DNAJC6: variants seen among roughly 807,000 people sequenced by gnomAD.
DNAJC6 encodes DnaJ heat shock protein family (Hsp40) member C6.
Under a neutral mutation model 110.0 loss-of-function variants are expected in DNAJC6, and 34 were observed. The ratio of observed to expected loss-of-function variants is 0.31; its 90% CI spans 0.24 to 0.41. DNAJC6 has a LOEUF of 0.41. Among genes scored for constraint, DNAJC6 ranks in the 10% least tolerant of loss-of-function variants. DNAJC6 has a pLI of 1.00. For synonymous variants in DNAJC6, 406 were observed against 437.2 expected, an observed-to-expected ratio of 0.93 and a Z score of 0.89; for missense variants, 1,031 against 1,207.8, an observed-to-expected ratio of 0.85 and a Z score of 2.17.
At chr1:65,291,480 C>T (rs1644874438) in intron 1 of DNAJC6, among the ~76,000 whole-genome samples, 2 of 152,002 alleles carry the variant, frequency 1.3e-5, no homozygotes, top group Non-Finnish European at 2.9e-5. Context: ...ACATTTTCTC[C>T]AAAGCTAAAG....
chr1:65,325,604 A>G (rs1199181779), intron 1 of DNAJC6, among the ~76,000 whole-genome samples: 2 of 152,158 alleles, frequency 1.3e-5, no homozygotes, highest in South Asian at 2.1e-4. Context: ...AGCCTTATGG[A>G]TTTTCTAGTT....
At chr1:65,378,605 G>A (rs1179548956) in intron 4 of DNAJC6, among the ~76,000 whole-genome samples, 1 of 152,192 alleles carries the variant, frequency 6.6e-6, no homozygotes, top group African/African-American at 2.4e-5. Context: ...TAGTAAGTAT[G>A]TAATCAACTG....
intron 4 of DNAJC6, among the ~76,000 whole-genome samples, chr1:65,372,461 G>T (rs962828698): frequency 6.6e-6 from 1 of 152,098 alleles, no homozygotes. Context: ...TTACAAAAAT[G>T]AGTAAGTTAT....
At chr1:65,285,258 A>G (rs1182293467) in intron 1 of DNAJC6, among the ~76,000 whole-genome samples, 1 of 152,182 alleles carries the variant, frequency 6.6e-6, no homozygotes, top group Non-Finnish European at 1.5e-5. Context: ...AGGTTTTCAC[A>G]AATCTCCTAT....
chr1:65,364,504 A>AT, intron 1 of DNAJC6, 131 bp from the exon 2 acceptor site: 1 of 1,116,290 alleles, frequency 9.0e-7, no homozygotes, highest in Non-Finnish European at 1.2e-6. Flanking sequence ...GTGGGACACA[A>AT]TTTCCAGGAA....
At chr1:65,375,216 C>T (rs528154735) in intron 4 of DNAJC6, among the ~76,000 whole-genome samples, 141 of 152,214 alleles carry the variant, frequency 9.3e-4, no homozygotes, top group Middle Eastern at 3.4e-3. Context: ...CTGCCTGTCT[C>T]AGCCTCCCAA....
At chr1:65,307,010 CTCTCTCTCTATATA>C (rs1405736083), upstream of DNAJC6, among the ~76,000 whole-genome samples, 304 of 84,732 alleles carry the variant, frequency 3.6e-3, no homozygotes, top group Non-Finnish European at 4.1e-3. Context: ...CTCTCTCTCT[CTCTCTCTCTATATA>C]TATATATATA....
At chr1:65,380,780 A>C (rs1273457180) in intron 5 of DNAJC6, among the ~76,000 whole-genome samples, 1 of 152,172 alleles carries the variant, frequency 6.6e-6, no homozygotes, top group Non-Finnish European at 1.5e-5. Context: ...AGAGGCAAAC[A>C]AAAGATTATG....
At chr1:65,317,363 G>T (rs1203152727) in intron 1 of DNAJC6, among the ~76,000 whole-genome samples, 2 of 152,214 alleles carry the variant, frequency 1.3e-5, no homozygotes, top group Non-Finnish European at 2.9e-5. Context: ...CACGGTCCAA[G>T]AAATTAGGAA....
intron 4 of DNAJC6, among the ~76,000 whole-genome samples, chr1:65,375,245 G>A (rs1645749867): frequency 2.6e-5 from 4 of 152,196 alleles, no homozygotes; most frequent in South Asian, 4.1e-4. Flanking sequence ...GATTATAGGC[G>A]TGAGCTGCCG....
intron 1 of DNAJC6, among the ~76,000 whole-genome samples, chr1:65,335,768 C>T (rs912026756): frequency 2.6e-5 from 4 of 151,986 alleles, no homozygotes; most frequent in Admixed American, 6.6e-5. Flanking sequence ...GGCCATTGCG[C>T]GAGCTTTGAT....
rs199937139 is a variant in DNAJC6, at chr1:65,392,779, A to T, written c.1817A>T (p.His606Leu). The stretch of plus-strand genomic sequence containing the variant: ...CAGTCAGGAGTGGAAGATGTGTTTC[A>T]TCCTAGTGGACCTGCGTCTACCCAG... The part of the protein sequence containing the change: ...AGQSGVEDVF[H>L]PSGPASTQST... The change falls in exon 12 of 19, where the codon CAT becomes CTT. Residue 606 changes from histidine (H) to leucine (L), a missense_variant. By Grantham distance (99) the His-to-Leu change is moderately conservative. Transcript: ENST00000371069. The T allele has an allele frequency of 4.3e-6, 7 of 1,609,312 alleles. No homozygotes were observed. The African/African-American group carries it at 9.4e-5, about 22-fold the overall frequency.
chr1:65,309,758 G>A lies in DNAJC6; in HGVS notation c.13G>A (p.Gly5Arg). The change falls in exon 1 of 19, where the codon GGG becomes AGG. Residue 5 changes from glycine (G) to arginine (R), a missense_variant. Coordinates refer to ENST00000371069, the MANE Select transcript of DNAJC6 (RefSeq NM_001256864.2). Reference sequence around the variant, plus strand: ...TCCGGGCTTGCCCATGAGCCTCCTCGGGAGCTACCGGAAAAAGACCAGCAA... The same window carrying A: ...TCCGGGCTTGCCCATGAGCCTCCTCAGGAGCTACCGGAAAAAGACCAGCAA... MSLLGSYRKKTSNDG... is the reference protein window; with the variant it reads MSLLRSYRKKTSNDG... 3 of 1,546,828 alleles carry A rather than the reference G, an allele frequency of 1.9e-6. No homozygotes were observed. Among genetic ancestry groups the A allele is most frequent in the Non-Finnish European group, 8.7e-7 (1 of 1,145,370 alleles).
chr1:65,274,558 C>T (rs1036591264), intron 1 of DNAJC6, among the ~76,000 whole-genome samples: 2 of 152,174 alleles, frequency 1.3e-5, no homozygotes, highest in African/African-American at 4.8e-5. Flanking sequence ...CTCAGGTGAT[C>T]CACTCACCTT....
chr1:65,281,870 AGTT>A (rs1653857195), intron 1 of DNAJC6, among the ~76,000 whole-genome samples: 1 of 152,028 alleles, frequency 6.6e-6, no homozygotes, highest in Non-Finnish European at 1.5e-5. Flanking sequence ...GGCCTCCCAA[AGTT>A]CTGGGACCAC....
intron 12 of DNAJC6, among the ~76,000 whole-genome samples, 188 bp from the exon 13 acceptor site, chr1:65,394,710 A>G (rs1246988931): frequency 6.6e-6 from 1 of 152,216 alleles, no homozygotes; most frequent in Admixed American, 6.5e-5. Flanking sequence ...TGCTGGGCAG[A>G]TTAGCCTTGT....
chr1:65,344,507 C>T (rs1010306552), intron 1 of DNAJC6, among the ~76,000 whole-genome samples: 6 of 152,006 alleles, frequency 3.9e-5, no homozygotes, highest in African/African-American at 1.4e-4. Context: ...TCCTTAGCAA[C>T]CCCCAATATT....
rs1404296218 is a variant in DNAJC6, at chr1:65,309,892, T to A, written c.147T>A (p.Ser49Arg). The stretch of plus-strand genomic sequence containing the variant: ...TGAACGCCGGGGCAGCGGCGCGGAG[T>A]CCCGCCCGACAGCCTCCGGACCGCG... ...QRVNAGAAAR[S>R]PARQPPDRAS... Residue 49 changes from serine to arginine, a missense_variant, in exon 1 of 19, where the codon AGT becomes AGA. Transcript: ENST00000371069. The A allele has an allele frequency of 3.9e-6, 6 of 1,541,606 alleles. No homozygotes were observed. Among genetic ancestry groups the A allele is most frequent in the South Asian group, 1.2e-5 (1 of 83,556 alleles).
chr1:65,357,628 A>T (rs1048154245), intron 1 of DNAJC6, among the ~76,000 whole-genome samples: 14 of 152,172 alleles, frequency 9.2e-5, no homozygotes, highest in Non-Finnish European at 1.8e-4. Context: ...GTCTTAGAAT[A>T]AGTCAAATGT....
Sources: allele counts gnomAD v4.1 joint callset (sites outside exome capture counted in the v4.1 genomes callset), GRCh38; gene constraint gnomAD v4.1.1; transcripts MANE v1.5; gene names NCBI Gene and HGNC (gene_info 2026-07-23, HGNC 2026-07-21).